Variants in TET2 observed in about 807,000 individuals in gnomAD.
TET2 encodes the protein tet methylcytosine dioxygenase 2.
A neutral mutation model predicts 142.9 loss-of-function variants in TET2; 299 were observed. The observed-to-expected ratio is 2.09, with a 90% CI of 1.90 to 2.30. The LOEUF is 2.30. Ranked by LOEUF, TET2 falls within the 30% of genes most tolerant of loss-of-function variation. The probability of loss-of-function intolerance (pLI) is 0.00; values close to 1 mark genes in which losing one functional copy is unlikely to be tolerated. For missense variants in TET2, 2,418 were observed against 2,378.0 expected (o/e 1.02, Z -0.35); for synonymous variants, 819 against 849.0 (o/e 0.96, Z 0.61).
At chr4:105,256,703 C>G (rs1730151819) in intron 6 of TET2, among the ~76,000 whole-genome samples, 1 of 152,116 alleles carries the variant, frequency 6.6e-6, no homozygotes, top group South Asian at 2.1e-4. Context: ...TCTTCATCCT[C>G]TACTTTGGGG....
Position 105,278,825 on chromosome 4 carries a change from G to T in TET2, c.*2306G>T, listed in dbSNP as rs959617271. 8 of 232,940 alleles carry T rather than the reference G, an allele frequency of 3.4e-5. No homozygotes were observed. The highest frequency in any genetic ancestry group is 6.6e-5 in the African/African-American group (3 of 45,334). The allele number at this position is 232,940 out of a possible 1,614,324, so 14.4% of individuals were successfully genotyped here. On this transcript the variant is annotated 3_prime_UTR_variant, in exon 11 of 11. Coordinates refer to ENST00000380013, the MANE Select transcript of TET2 (RefSeq NM_001127208.3). ...GTGGCTGTTGGCCAGAGACTTACTT[G>T]TAACTCTCTAAATGAAGTTTTTTTG...
chr4:105,239,535 T>G (rs996936812), intron 3 of TET2: 2 of 238,236 alleles, frequency 8.4e-6, no homozygotes, highest in Non-Finnish European at 1.8e-5. Flanking sequence ...AGCTTCCAAC[T>G]TCTCTTCTGC....
chr4:105,209,863 G>A (rs1199835917), intron 2 of TET2, among the ~76,000 whole-genome samples: 1 of 152,120 alleles, frequency 6.6e-6, no homozygotes, highest in Middle Eastern at 3.2e-3. Context: ...AAGGCTTAGA[G>A]ACAAGAAGTT....
At chr4:105,219,985 G>A (rs371820979) in intron 2 of TET2, among the ~76,000 whole-genome samples, 1 of 152,082 alleles carries the variant, frequency 6.6e-6, no homozygotes, top group East Asian at 1.9e-4. Context: ...AGAATATCAG[G>A]TCCAAGAAGA....
chr4:105,190,349 G>C lies in TET2; in HGVS notation c.-192-11G>C, dbSNP rs1284149795. ...GCTAACTTAAAAATGTTCAAACTCT[G>C]TCTTCTCTAGGCTGGCAAACATTCA... On this transcript the variant is annotated splice_polypyrimidine_tract_variant and intron_variant, in intron 1 of 10. Transcript: ENST00000380013. 1.5e-5 allele frequency: 10 copies of C among 646,446 alleles called. No individual in the cohort carries two copies. The highest frequency in any genetic ancestry group is 2.8e-5 in the Non-Finnish European group (10 of 361,214). 40.0% of individuals were successfully genotyped at this position (646,446 alleles called of 1,614,324 possible). A position where few individuals can be genotyped will look rare whatever the true frequency, so the allele number is the denominator to read the frequency against.
chr4:105,257,541 T>A (rs1730201716), intron 6 of TET2, among the ~76,000 whole-genome samples: 1 of 152,122 alleles, frequency 6.6e-6, no homozygotes, highest in African/African-American at 2.4e-5. Context: ...GGGCATGCAT[T>A]CAACACTCAG....
intron 8 of TET2, among the ~76,000 whole-genome samples, chr4:105,265,578 C>A (rs1167394028): frequency 1.3e-5 from 2 of 152,104 alleles, no homozygotes; most frequent in African/African-American, 2.4e-5. Flanking sequence ...GTAGTTGGTA[C>A]CTTCATTTTC....
At chr4:105,249,994 T>C (rs963559926) in intron 6 of TET2, among the ~76,000 whole-genome samples, 3 of 152,222 alleles carry the variant, frequency 2.0e-5, no homozygotes, top group Non-Finnish European at 4.4e-5. Flanking sequence ...ATCTGAAAGA[T>C]TTACACCTAT....
At chr4:105,168,382 G>A (rs1724272264) in intron 1 of TET2, among the ~76,000 whole-genome samples, 1 of 152,042 alleles carries the variant, frequency 6.6e-6, no homozygotes, top group Non-Finnish European at 1.5e-5. Context: ...AACAAGAAGA[G>A]CATCCTTTTT....
chr4:105,166,570 G>C (rs973504324), intron 1 of TET2, among the ~76,000 whole-genome samples: 2 of 149,356 alleles, frequency 1.3e-5, no homozygotes, highest in African/African-American at 4.9e-5. Flanking sequence ...CTTTGTATTT[G>C]ATTATTATTT....
rs1430358514 is a variant in TET2, at chr4:105,234,181, A to G, written c.239A>G (p.Gln80Arg). The change falls in exon 3 of 11, where the codon CAA becomes CGA. Residue 80 changes from glutamine to arginine, a missense_variant. Transcript: ENST00000380013. ...QNSRVSPDFT[Q>R]ESRGYSKCLQ... is the part of the protein sequence containing the mutation. ...AGTCGTGTGAGTCCTGACTTTACAC[A>G]AGAAAGTAGAGGGTATTCCAAGTGT... 3.7e-6 allele frequency: 6 copies of G among 1,614,186 alleles called. No homozygotes were observed. Among genetic ancestry groups the G allele is most frequent in the Non-Finnish European group, 5.1e-6 (6 of 1,180,026 alleles).
rs367714953 is a variant in TET2 at position 105,173,292 on chromosome 4, G to GGCA, written c.-192-17066_-192-17064dup. On this transcript the variant is annotated intron_variant, in intron 1 of 10. Transcript: ENST00000380013. Reference sequence around the variant, plus strand: ...CCCGGCACTTTGGGAGGCCGAGGTGGGCAGATCACGAGCTCAGGAGTTTGA... The same window carrying GGCA: ...CCCGGCACTTTGGGAGGCCGAGGTGGGCAGCAGATCACGAGCTCAGGAGTTTGA... Among the ~76,000 whole-genome samples the GGCA allele has an allele frequency of 9.7e-4, 147 of 151,768 alleles. 1 individual carries two copies. The highest frequency in any genetic ancestry group is 3.4e-3 in the African/African-American group (141 of 41,402).
chr4:105,279,351 G>T lies in TET2; in HGVS notation c.*2832G>T, dbSNP rs536701365. 1 of 232,328 alleles carries T rather than the reference G, an allele frequency of 4.3e-6. No homozygotes were observed. Among genetic ancestry groups the T allele is most frequent in the African/African-American group, 2.2e-5 (1 of 45,422 alleles). 14.4% of individuals were successfully genotyped at this position (232,328 alleles called of 1,614,324 possible). A position where few individuals can be genotyped will look rare whatever the true frequency, so the allele number is the denominator to read the frequency against. On this transcript the variant is annotated 3_prime_UTR_variant, in exon 11 of 11. Transcript: ENST00000380013. ...ATTGAGTGGCATATTGTAAATATCA[G>T]ATCTATAATTGTAAATATAAAACCT...
rs752397883 is a variant in TET2 at position 105,235,273 on chromosome 4, C to T, written c.1331C>T (p.Thr444Ile). The change falls in exon 3 of 11, where the codon ACA becomes ATA. Residue 444 changes from threonine (T) to isoleucine (I), a missense_variant. Coordinates refer to ENST00000380013, the MANE Select transcript of TET2 (RefSeq NM_001127208.3). ...CACTACCCCAACCAAAGTAACACAA[C>T]ACTTTTAAGGGAAGTGAAAATAGAG... The part of the protein sequence containing the change: ...HHHYPNQSNT[T>I]LLREVKIEGK... 7 of 1,613,988 alleles carry T rather than the reference C, an allele frequency of 4.3e-6. No homozygotes were observed. The East Asian group carries it at 1.3e-4, about 31-fold the overall frequency.
intron 6 of TET2, among the ~76,000 whole-genome samples, chr4:105,258,428 A>C (rs1730251417): frequency 6.6e-6 from 1 of 152,208 alleles, no homozygotes; most frequent in South Asian, 2.1e-4. Context: ...GAATAAATGC[A>C]TGGCAAGAAT....
chr4:105,256,327 A>G (rs567551855), intron 6 of TET2, among the ~76,000 whole-genome samples: 1 of 152,292 alleles, frequency 6.6e-6, no homozygotes, highest in African/African-American at 2.4e-5. Flanking sequence ...CTTATTTATC[A>G]GAGAATGTCC....
chr4:105,226,058 C>T (rs1216702992), intron 2 of TET2, among the ~76,000 whole-genome samples: 2 of 146,580 alleles, frequency 1.4e-5, no homozygotes, highest in African/African-American at 5.2e-5. Context: ...TACAGACCTA[C>T]AGATACGTAG....
At chr4:105,176,537 C>T (rs182696293) in intron 1 of TET2, among the ~76,000 whole-genome samples, 195 of 152,262 alleles carry the variant, frequency 1.3e-3, no homozygotes, top group African/African-American at 4.5e-3. Context: ...TTACCATTTA[C>T]ATTAGCACCC....
intron 1 of TET2, among the ~76,000 whole-genome samples, chr4:105,161,459 T>A (rs547639889): frequency 2.2e-4 from 34 of 152,246 alleles, no homozygotes; most frequent in Non-Finnish European, 4.3e-4. Flanking sequence ...CTCTCAATTA[T>A]CCTCGGCCTA....
Sources: allele counts gnomAD v4.1 joint callset (sites outside exome capture counted in the v4.1 genomes callset), GRCh38; gene constraint gnomAD v4.1.1; transcripts MANE v1.5; gene names NCBI Gene and HGNC (gene_info 2026-07-23, HGNC 2026-07-21).